Variants in PTPRG observed in about 807,000 individuals in gnomAD.
PTPRG encodes receptor-type tyrosine-protein phosphatase gamma.
A neutral mutation model predicts 165.3 loss-of-function variants in PTPRG; 102 were observed. That is an observed-to-expected ratio of 0.62 (90% CI 0.53 to 0.73). The LOEUF is 0.73. Among genes scored for constraint, PTPRG ranks in the 30% least tolerant of loss-of-function variants. The pLI, the probability that PTPRG is intolerant of heterozygous loss-of-function variation, is 0.00. For synonymous variants in PTPRG, 675 were observed against 669.5 expected (o/e 1.01, Z -0.13); for missense variants, 1,866 against 1,861.4 (o/e 1.00, Z -0.05).
chr3:62,162,017 A>T (rs1279639745), intron 7 of PTPRG, among the ~76,000 whole-genome samples: 1 of 152,146 alleles, frequency 6.6e-6, no homozygotes. Flanking sequence ...CCCATCCCTT[A>T]AACTATTGTA....
chr3:61,772,526 C>T (rs1455274802), intron 2 of PTPRG, among the ~76,000 whole-genome samples: 2 of 152,000 alleles, frequency 1.3e-5, no homozygotes, highest in Non-Finnish European at 2.9e-5. Flanking sequence ...TCCTTTCCCC[C>T]AAGCCTACTT....
intron 1 of PTPRG, among the ~76,000 whole-genome samples, chr3:61,569,549 C>T: frequency 6.6e-6 from 1 of 152,156 alleles, no homozygotes; most frequent in East Asian, 1.9e-4. Flanking sequence ...AAACTCCTGA[C>T]CTCAAGTGAT....
At chr3:62,141,971 C>T (rs926105738) in intron 6 of PTPRG, among the ~76,000 whole-genome samples, 1 of 151,326 alleles carries the variant, frequency 6.6e-6, no homozygotes, top group Non-Finnish European at 1.5e-5. Flanking sequence ...CTAGAAATGC[C>T]TCAGGTGCCC....
At chr3:61,784,779 A>C (rs2034645863) in intron 2 of PTPRG, among the ~76,000 whole-genome samples, 1 of 152,198 alleles carries the variant, frequency 6.6e-6, no homozygotes, top group South Asian at 2.1e-4. Flanking sequence ...CTTTTAAAGA[A>C]TTTAGTATGC....
chr3:62,181,740 T>C (rs1053934119), intron 8 of PTPRG, among the ~76,000 whole-genome samples: 12 of 152,178 alleles, frequency 7.9e-5, no homozygotes, highest in African/African-American at 2.2e-4. Context: ...TCCTCAGATA[T>C]TTTCGAAATA....
intron 1 of PTPRG, among the ~76,000 whole-genome samples, chr3:61,617,559 A>G (rs12629893): frequency 0.98 from 149,533 of 152,310 alleles, 73,467 homozygotes; most frequent in East Asian, 1. Context: ...TAGCTATATA[A>G]AACCAATTGT....
intron 1 of PTPRG, 130 bp downstream of exon 1, chr3:61,562,502 C>T (rs997210503): frequency 2.9e-6 from 2 of 690,978 alleles, no homozygotes; most frequent in East Asian, 3.0e-5. Context: ...GCCCGGCGCC[C>T]GGATAGGAGA....
chr3:62,088,461 C>G (rs349168), intron 5 of PTPRG, among the ~76,000 whole-genome samples: 30,739 of 152,226 alleles, frequency 0.2, 6,354 homozygotes, highest in African/African-American at 0.52. Context: ...TAGTCCCTGG[C>G]TAACCAAGAC....
chr3:61,746,208 AT>A (rs750697053), intron 1 of PTPRG, among the ~76,000 whole-genome samples: 1,052 of 81,188 alleles, frequency 0.013, 3 homozygotes, highest in African/African-American at 0.052. Context: ...ACACACTCTA[AT>A]TTTTTTTTTT....
At chr3:61,920,489 G>A (rs564712362) in intron 2 of PTPRG, among the ~76,000 whole-genome samples, 7 of 152,212 alleles carry the variant, frequency 4.6e-5, no homozygotes, top group Admixed American at 2.0e-4. Context: ...TCCACCTCCC[G>A]GGTTCAAGTA....
chr3:61,878,488 GTTTGTT>G (rs1264210161), intron 2 of PTPRG, among the ~76,000 whole-genome samples: 1 of 151,920 alleles, frequency 6.6e-6, no homozygotes, highest in Non-Finnish European at 1.5e-5. Context: ...GTTGTTTTTG[GTTTGTT>G]TTTGTTTTTC....
chr3:61,872,743 A>C (rs1288322622), intron 2 of PTPRG, among the ~76,000 whole-genome samples: 1 of 152,130 alleles, frequency 6.6e-6, no homozygotes, highest in Non-Finnish European at 1.5e-5. Flanking sequence ...TGCCTTAGTG[A>C]GCTGTGCTAG....
chr3:61,894,859 A>G (rs1396418336), intron 2 of PTPRG, among the ~76,000 whole-genome samples: 1 of 151,682 alleles, frequency 6.6e-6, no homozygotes, highest in Non-Finnish European at 1.5e-5. Context: ...TTTTAATTGT[A>G]TGTTAGCGAT....
intron 5 of PTPRG, among the ~76,000 whole-genome samples, chr3:62,088,601 G>T (rs1233012068): frequency 1.3e-5 from 2 of 152,202 alleles, no homozygotes; most frequent in African/African-American, 4.8e-5. Context: ...GTATTTGTTT[G>T]CAGACACTGC....
At chr3:62,064,453 G>GA (rs1700933970) in intron 4 of PTPRG, among the ~76,000 whole-genome samples, 2 of 151,930 alleles carry the variant, frequency 1.3e-5, no homozygotes, top group Non-Finnish European at 1.5e-5. Flanking sequence ...CTGGTCTGAA[G>GA]CAATCCTCCT....
At chr3:61,637,515 T>C (rs1461024538) in intron 1 of PTPRG, among the ~76,000 whole-genome samples, 5 of 152,198 alleles carry the variant, frequency 3.3e-5, no homozygotes, top group African/African-American at 1.2e-4. Flanking sequence ...TGTGGCTTTC[T>C]GAATGTCAAA....
At chr3:61,593,742 A>C (rs2106828480) in intron 1 of PTPRG, among the ~76,000 whole-genome samples, 1 of 150,424 alleles carries the variant, frequency 6.6e-6, no homozygotes, top group Middle Eastern at 3.5e-3. Flanking sequence ...AGCCAGAAAA[A>C]CTCTTCTGCT....
chr3:62,248,351 G>C (rs1271750300), intron 15 of PTPRG, among the ~76,000 whole-genome samples: 2 of 152,104 alleles, frequency 1.3e-5, no homozygotes, highest in Non-Finnish European at 2.9e-5. Flanking sequence ...TTCACTAAGG[G>C]TTTTTCAAAA....
intron 8 of PTPRG, among the ~76,000 whole-genome samples, chr3:62,175,912 A>T (rs1272812582): frequency 6.6e-6 from 1 of 152,192 alleles, no homozygotes; most frequent in East Asian, 1.9e-4. Context: ...CAAAGGGGGA[A>T]GCAAGATCAG....
Sources: gnomAD v4.1 joint callset for allele counts (sites outside exome capture counted in the v4.1 genomes callset) on GRCh38, gnomAD v4.1.1 for gene constraint, MANE v1.5 for transcripts, NCBI Gene and HGNC (gene_info 2026-07-23, HGNC 2026-07-21) for gene names.